SORCS2: variants seen among roughly 807,000 people sequenced by gnomAD.
SORCS2 encodes VPS10 domain-containing receptor SorCS2.
Under a neutral mutation model 141.6 loss-of-function variants are expected in SORCS2, and 100 were observed. The ratio of observed to expected loss-of-function variants is 0.71; its 90% CI spans 0.60 to 0.83. The LOEUF is 0.83. Among genes scored for constraint, SORCS2 ranks in the 40% least tolerant of loss-of-function variants. SORCS2 has a pLI of 0.00. For synonymous variants in SORCS2, 789 were observed against 676.9 expected (o/e 1.17, Z -2.57); for missense variants, 1,646 against 1,560.2 (o/e 1.05, Z -0.93).
intron 1 of SORCS2, among the ~76,000 whole-genome samples, chr4:7,217,217 TC>T (rs1385149052): frequency 6.6e-6 from 1 of 152,104 alleles, no homozygotes; most frequent in Non-Finnish European, 1.5e-5. Flanking sequence ...CCTGGAACCT[TC>T]CATCTCACCC....
At chr4:7,221,124 C>T (rs1354334770) in intron 1 of SORCS2, among the ~76,000 whole-genome samples, 2 of 152,136 alleles carry the variant, frequency 1.3e-5, no homozygotes, top group Non-Finnish European at 2.9e-5. Flanking sequence ...CTCACAGAGC[C>T]GACCATGCCC....
rs569130362 is a variant in SORCS2 at position 7,506,055 on chromosome 4, T to C, written c.549-25475T>C. ...GTGAGGGGTTCAGTCCCTCTCTCTA[T>C]AGGGGCACTAATCTGGGGTGGGGAG... On this transcript the variant is annotated intron_variant, in intron 2 of 26. Transcript: ENST00000507866. 2.6e-5 allele frequency among the ~76,000 whole-genome samples: 4 copies of C among 152,170 alleles called. No individual in the cohort carries two copies. The South Asian group carries it at 8.3e-4, about 32-fold the overall frequency.
chr4:7,534,460 C>G (rs1441420236), intron 3 of SORCS2, among the ~76,000 whole-genome samples: 3 of 152,230 alleles, frequency 2.0e-5, no homozygotes, highest in Non-Finnish European at 4.4e-5. Flanking sequence ...GAGAAGCCCC[C>G]AAAGATGTCC....
At chr4:7,659,788 G>A (rs1722033324) in intron 5 of SORCS2, among the ~76,000 whole-genome samples, 1 of 152,206 alleles carries the variant, frequency 6.6e-6, no homozygotes, top group Admixed American at 6.5e-5. Context: ...GACTCCAGCT[G>A]AGACCCTGGA....
chr4:7,451,253 C>G (rs1728446142), intron 2 of SORCS2, among the ~76,000 whole-genome samples: 1 of 152,132 alleles, frequency 6.6e-6, no homozygotes, highest in African/African-American at 2.4e-5. Context: ...AATGAAGTGG[C>G]CTGGGGCCTG....
chr4:7,536,444 G>C (rs1560365951), intron 3 of SORCS2, among the ~76,000 whole-genome samples: 1 of 152,216 alleles, frequency 6.6e-6, no homozygotes, highest in Non-Finnish European at 1.5e-5. Flanking sequence ...TACATGTCAA[G>C]TAAGGAGTGG....
intron 12 of SORCS2, 141 bp from the exon 13 acceptor site, chr4:7,703,139 A>G: frequency 1.6e-6 from 1 of 623,302 alleles, no homozygotes; most frequent in South Asian, 2.1e-5. Flanking sequence ...CGGGACATGC[A>G]GGGAACCCTC....
At chr4:7,388,388 G>A (rs1317185629) in intron 1 of SORCS2, among the ~76,000 whole-genome samples, 3 of 152,164 alleles carry the variant, frequency 2.0e-5, no homozygotes, top group Admixed American at 1.3e-4. Flanking sequence ...TCTGGGACCC[G>A]CCCGATGGGG....
At chr4:7,617,938 G>T (rs1318099045) in intron 3 of SORCS2, among the ~76,000 whole-genome samples, 1 of 151,974 alleles carries the variant, frequency 6.6e-6, no homozygotes, top group African/African-American at 2.4e-5. Flanking sequence ...TCAGGAGTGG[G>T]ATGCTCGCCC....
chr4:7,546,299 C>T (rs1048516052), intron 3 of SORCS2, among the ~76,000 whole-genome samples: 5 of 152,178 alleles, frequency 3.3e-5, no homozygotes, highest in African/African-American at 1.2e-4. Flanking sequence ...CAAGGCCTCC[C>T]TCCAGGTCCT....
intron 2 of SORCS2, among the ~76,000 whole-genome samples, chr4:7,489,840 G>A (rs758076616): frequency 3.3e-5 from 5 of 152,158 alleles, no homozygotes; most frequent in Admixed American, 6.5e-5. Context: ...TCTCTGGTGT[G>A]ACTGGGGCTG....
chr4:7,343,629 G>A (rs993578967), intron 1 of SORCS2, among the ~76,000 whole-genome samples: 1 of 152,174 alleles, frequency 6.6e-6, no homozygotes, highest in Non-Finnish European at 1.5e-5. Flanking sequence ...GACCCAGTGC[G>A]GCTGTTTTCT....
At chr4:7,426,904 G>C (rs905246759) in intron 2 of SORCS2, among the ~76,000 whole-genome samples, 1 of 152,212 alleles carries the variant, frequency 6.6e-6, no homozygotes, top group Non-Finnish European at 1.5e-5. Context: ...GCTGAGCGGG[G>C]CCTGAACCCG....
intron 1 of SORCS2, among the ~76,000 whole-genome samples, chr4:7,272,760 A>G (rs1465945019): frequency 2.0e-5 from 3 of 152,264 alleles, no homozygotes; most frequent in African/African-American, 2.4e-5. Context: ...AATAATCGCA[A>G]TCAGATCTCG....
At chr4:7,709,192 C>T (rs1273907709) in intron 14 of SORCS2, among the ~76,000 whole-genome samples, 3 of 152,200 alleles carry the variant, frequency 2.0e-5, no homozygotes, top group African/African-American at 4.8e-5. Flanking sequence ...CGCAGAGCCG[C>T]GGGGGGCCAG....
chr4:7,569,610 A>G (rs758782725), intron 3 of SORCS2, among the ~76,000 whole-genome samples: 2 of 152,226 alleles, frequency 1.3e-5, no homozygotes, highest in Non-Finnish European at 2.9e-5. Context: ...TGTGCAGAGA[A>G]CATGTGTGTG....
intron 10 of SORCS2, among the ~76,000 whole-genome samples, chr4:7,684,976 G>T (rs188325601): frequency 6.6e-6 from 1 of 152,198 alleles, no homozygotes; most frequent in African/African-American, 2.4e-5. Flanking sequence ...GCTCTGACTC[G>T]TGAACACTCA....
At chr4:7,691,717 A>G (rs1452208203) in intron 11 of SORCS2, among the ~76,000 whole-genome samples, 2 of 152,062 alleles carry the variant, frequency 1.3e-5, no homozygotes, top group Non-Finnish European at 2.9e-5. Context: ...AGACACCCCC[A>G]ATCCTGTACA....
At chr4:7,368,995 G>A (rs1650526933) in intron 1 of SORCS2, among the ~76,000 whole-genome samples, 1 of 152,114 alleles carries the variant, frequency 6.6e-6, no homozygotes, top group African/African-American at 2.4e-5. Flanking sequence ...CCAGCCATGT[G>A]GAATTGTGAG....
Sources: allele counts gnomAD v4.1 joint callset (sites outside exome capture counted in the v4.1 genomes callset), GRCh38; gene constraint gnomAD v4.1.1; transcripts MANE v1.5; gene names NCBI Gene and HGNC (gene_info 2026-07-23, HGNC 2026-07-21).